The following KLF15 variants were observed in gnomAD, a reference collection of about 807,000 sequenced individuals.
KLF15 encodes KLF transcription factor 15, also known as Krueppel-like factor 15.
In KLF15, 4 loss-of-function variants were observed where a neutral mutation model predicts 24.6. The ratio of observed to expected loss-of-function variants is 0.16; its 90% CI spans 0.08 to 0.37. The LOEUF (loss-of-function observed/expected upper bound fraction) is 0.37, where lower values mean the gene tolerates loss of function less well. Ranked by LOEUF, KLF15 falls within the 10% of genes least tolerant of loss-of-function variation. The pLI, the probability that KLF15 is intolerant of heterozygous loss-of-function variation, is 1.00. For synonymous variants in KLF15, 246 were observed against 236.3 expected (o/e 1.04, Z -0.37); for missense variants, 496 against 560.6 (o/e 0.88, Z 1.16).
intron 1 of KLF15, 93 bp from the exon 2 acceptor site, chr3:126,353,040 C>T (rs2082600120): frequency 7.2e-7 from 1 of 1,394,502 alleles, no homozygotes. Flanking sequence ...TGCCTGCCCA[C>T]AGCCTCCTAT....
chr3:126,316,625 G>A, the KLF15 span, among the ~76,000 whole-genome samples: 2 of 151,142 alleles, frequency 1.3e-5, no homozygotes, highest in African/African-American at 4.9e-5. Context: ...AGGCCAGAGT[G>A]GGGCTGGGAG....
rs796419134 is a variant in KLF15, at chr3:126,356,407, G to T, written c.-26+830C>A. Among the ~76,000 whole-genome samples, 1 of 152,156 alleles carries T rather than the reference G, an allele frequency of 6.6e-6. No individual in the cohort carries two copies. Among genetic ancestry groups the T allele is most frequent in the African/African-American group, 2.4e-5 (1 of 41,454 alleles). ...CCTCCGTGAGAGGGGGGTTCCATGA[G>T]TAACACCAAGGCGGGGAGGGAAGAG... On this transcript the variant is annotated intron_variant, in intron 1 of 2. Transcript: ENST00000296233. The surrounding 1 kb of genome is among the most constrained non-coding windows in gnomAD (Gnocchi z 4.4).
At chr3:126,294,810 CA>C in the KLF15 span, among the ~76,000 whole-genome samples, 141 of 151,972 alleles carry the variant, frequency 9.3e-4, 1 homozygote, top group Non-Finnish European at 1.8e-3. Flanking sequence ...ACCTCCCTGT[CA>C]GAGCCTCTCT....
At chr3:126,350,859 C>T (rs187097016) in intron 2 of KLF15, among the ~76,000 whole-genome samples, 70 of 152,302 alleles carry the variant, frequency 4.6e-4, no homozygotes, top group African/African-American at 1.5e-3. Flanking sequence ...GAGTGTGCCC[C>T]GTCTCACACA....
At chr3:126,341,640 G>A (rs953007478), downstream of KLF15, among the ~76,000 whole-genome samples, 2 of 152,082 alleles carry the variant, frequency 1.3e-5, no homozygotes, top group Admixed American at 6.5e-5. Flanking sequence ...GCTGTGTGCT[G>A]GGCGGCTGGT....
the KLF15 span, among the ~76,000 whole-genome samples, chr3:126,305,150 A>G: frequency 6.6e-6 from 1 of 152,224 alleles, no homozygotes; most frequent in Non-Finnish European, 1.5e-5. Context: ...ACACGATGAA[A>G]GCTACATATT....
At chr3:126,330,263 C>T in the KLF15 span, among the ~76,000 whole-genome samples, 1 of 152,200 alleles carries the variant, frequency 6.6e-6, no homozygotes, top group South Asian at 2.1e-4. Context: ...TCCCAGCCAA[C>T]CCACAGGATC....
chr3:126,332,057 G>A, the KLF15 span, among the ~76,000 whole-genome samples: 3 of 152,338 alleles, frequency 2.0e-5, no homozygotes, highest in East Asian at 3.9e-4. Flanking sequence ...CTCGAACTGG[G>A]TGGAGCCCAC....
chr3:126,288,166 T>C, the KLF15 span: 1 of 152,190 alleles, frequency 6.6e-6, no homozygotes. Context: ...CTTTATTTAA[T>C]ATGTACTAAA....
chr3:126,290,422 TG>T, the KLF15 span, among the ~76,000 whole-genome samples: 1 of 151,644 alleles, frequency 6.6e-6, no homozygotes, highest in African/African-American at 2.4e-5. Context: ...ACCAGCACCC[TG>T]TGGTTCTTTC....
At chr3:126,314,041 T>C in the KLF15 span, among the ~76,000 whole-genome samples, 1,084 of 152,334 alleles carry the variant, frequency 7.1e-3, 14 homozygotes, top group African/African-American at 0.025. Flanking sequence ...AAACTGCATG[T>C]GGCCACACAA....
At chr3:126,349,476 C>T (rs1186323590) in intron 2 of KLF15, among the ~76,000 whole-genome samples, 2 of 152,186 alleles carry the variant, frequency 1.3e-5, no homozygotes, top group African/African-American at 4.8e-5. Flanking sequence ...GAGCTGAATC[C>T]CCTCCACAGG....
chr3:126,340,286 T>C (rs2082470537), downstream of KLF15, among the ~76,000 whole-genome samples: 1 of 152,258 alleles, frequency 6.6e-6, no homozygotes, highest in South Asian at 2.1e-4. Flanking sequence ...GCTGAGTTAC[T>C]GAGTTCCGGC....
At chr3:126,316,905 A>G in the KLF15 span, among the ~76,000 whole-genome samples, 1 of 152,148 alleles carries the variant, frequency 6.6e-6, no homozygotes, top group Admixed American at 6.5e-5. Flanking sequence ...GCATGAGAAC[A>G]TGTGCTCCTG....
chr3:126,319,371 T>C, the KLF15 span, among the ~76,000 whole-genome samples: 2 of 152,248 alleles, frequency 1.3e-5, no homozygotes, highest in African/African-American at 4.8e-5. Context: ...CGAGTTGTCT[T>C]CCAAGGTAGC....
At position 126,343,181 on chromosome 3, in the gene KLF15, G is replaced by T. The variant is rs113175143; in HGVS notation, c.*546C>A. 6.4e-5 allele frequency: 1 copy of T among 15,732 alleles called. No homozygotes were observed. Among genetic ancestry groups the T allele is most frequent in the Non-Finnish European group, 1.2e-4 (1 of 8,080 alleles). 1.0% of individuals were successfully genotyped at this position (15,732 alleles called of 1,614,324 possible). A position where few individuals can be genotyped will look rare whatever the true frequency, so the allele number is the denominator to read the frequency against. On this transcript the variant is annotated 3_prime_UTR_variant, in exon 3 of 3. Coordinates refer to ENST00000296233, the MANE Select transcript of KLF15 (RefSeq NM_014079.4). Reference sequence around the variant, plus strand: ...CCCCCCCCCCCCCCCCCCCCCCCCGGCTCCAGGGACCTGCCCACACCCTCT... The same window carrying T: ...CCCCCCCCCCCCCCCCCCCCCCCCGTCTCCAGGGACCTGCCCACACCCTCT...
the KLF15 span, among the ~76,000 whole-genome samples, chr3:126,327,872 T>C: frequency 2.0e-5 from 3 of 152,208 alleles, no homozygotes; most frequent in Non-Finnish European, 4.4e-5. Context: ...AGAACAGACT[T>C]GTATATATAC....
chr3:126,310,634 C>G, the KLF15 span, among the ~76,000 whole-genome samples: 4 of 152,072 alleles, frequency 2.6e-5, no homozygotes, highest in East Asian at 7.8e-4. Context: ...CCTGCAGCCT[C>G]TCTCCTTGGT....
chr3:126,301,963 G>A, the KLF15 span, among the ~76,000 whole-genome samples: 1 of 151,856 alleles, frequency 6.6e-6, no homozygotes, highest in South Asian at 2.1e-4. Context: ...GTTTCTTAAG[G>A]TGAAAACTAA....
Sources: gnomAD v4.1 joint callset for allele counts (sites outside exome capture counted in the v4.1 genomes callset) on GRCh38, gnomAD v4.1.1 for gene constraint, Gnocchi (gnomAD v3.1) non-coding constraint, MANE v1.5 for transcripts, NCBI Gene and HGNC (gene_info 2026-07-23, HGNC 2026-07-21) for gene names.